Variants in CYFIP2 observed in about 807,000 individuals in gnomAD.
CYFIP2 encodes cytoplasmic FMR1-interacting protein 2.
CYFIP2 carries 29 observed loss-of-function variants against 158.7 expected under a neutral mutation model. The observed-to-expected ratio is 0.18, with a 90% CI of 0.14 to 0.25. The LOEUF is 0.25. CYFIP2 is among the 10% of genes least tolerant of loss of function. The pLI is 1.00. For synonymous variants in CYFIP2, 585 were observed against 617.6 expected (o/e 0.95, Z 0.78); for missense variants, 852 against 1,639.5 (o/e 0.52, Z 8.29).
At chr5:157,284,527 C>T (rs1297107217) in intron 1 of CYFIP2, among the ~76,000 whole-genome samples, 1 of 152,134 alleles carries the variant, frequency 6.6e-6, no homozygotes, top group Non-Finnish European at 1.5e-5. Context: ...AGTTTTTAAG[C>T]AGTGTTTCAC....
At position 157,395,548 on chromosome 5, in the gene CYFIP2, TA is replaced by T; in HGVS notation, c.*2551del. The T allele has an allele frequency of 8.8e-7, 1 of 1,139,240 alleles. No individual in the cohort carries two copies. The highest frequency in any genetic ancestry group is 1.2e-6 in the Non-Finnish European group (1 of 852,306). 70.6% of individuals were successfully genotyped at this position (1,139,240 alleles called of 1,614,324 possible). A position where few individuals can be genotyped will look rare whatever the true frequency, so the allele number is the denominator to read the frequency against. On this transcript the variant is annotated 3_prime_UTR_variant, in exon 31 of 31. Transcript: ENST00000620254. The stretch of plus-strand genomic sequence containing the variant: ...TTTGGGGGTACCTGTGTTGAGTTGA[TA>T]AACATTTCCATCTTCATTAAAACTG...
At chr5:157,368,905 T>TTC (rs1032220174) in intron 26 of CYFIP2, among the ~76,000 whole-genome samples, 11 of 150,378 alleles carry the variant, frequency 7.3e-5, no homozygotes, top group African/African-American at 2.7e-4. Context: ...TTTTTTTGTT[T>TTC]TTTTTTTTTT....
intron 5 of CYFIP2, among the ~76,000 whole-genome samples, chr5:157,299,210 T>C (rs948424977): frequency 6.6e-5 from 10 of 152,282 alleles, no homozygotes; most frequent in African/African-American, 2.2e-4. Context: ...ATTCAGGCCA[T>C]GTTATCTGGC....
intron 1 of CYFIP2, among the ~76,000 whole-genome samples, chr5:157,267,730 G>A (rs903680103): frequency 1.3e-5 from 2 of 152,238 alleles, no homozygotes; most frequent in Non-Finnish European, 2.9e-5. Flanking sequence ...GCATTTTAAT[G>A]GGAAACAAAG....
intron 15 of CYFIP2, chr5:157,322,907 C>G (rs1255269742): frequency 6.6e-7 from 1 of 1,510,798 alleles, no homozygotes; most frequent in African/African-American, 1.4e-5. Flanking sequence ...CCTGCCCTCC[C>G]ATTCCCTCTT....
intron 26 of CYFIP2, among the ~76,000 whole-genome samples, chr5:157,368,888 T>G (rs758270545): frequency 3.0e-5 from 2 of 66,510 alleles, no homozygotes; most frequent in African/African-American, 1.2e-4. Flanking sequence ...ATCCCAGAGG[T>G]TTTTTGTTTT....
chr5:157,314,723 A>T (rs1306602712), intron 12 of CYFIP2, among the ~76,000 whole-genome samples: 1 of 152,214 alleles, frequency 6.6e-6, no homozygotes, highest in Non-Finnish European at 1.5e-5. Flanking sequence ...GCCCTGAGCA[A>T]TCTGCTTTCT....
rs924414671 is a variant in CYFIP2, at chr5:157,327,490, G to A, written c.2080-483G>A. On this transcript the variant is annotated intron_variant, in intron 18 of 30. Transcript: ENST00000620254. Reference sequence around the variant, plus strand: ...TGAAGGATGAGAATCACTTGAACCCGGGAGGCGGAGGTTGCAGTGAGCCGA... The same window carrying A: ...TGAAGGATGAGAATCACTTGAACCCAGGAGGCGGAGGTTGCAGTGAGCCGA... Among the ~76,000 whole-genome samples, 6 of 150,950 alleles carry A rather than the reference G, an allele frequency of 4.0e-5. No individual in the cohort carries two copies. In the South Asian group the frequency reaches 8.4e-4, roughly 21 times the overall value.
chr5:157,293,033 T>G (rs1757956649), intron 3 of CYFIP2, among the ~76,000 whole-genome samples: 1 of 151,698 alleles, frequency 6.6e-6, no homozygotes, highest in Non-Finnish European at 1.5e-5. Flanking sequence ...TATGTATGTA[T>G]GTATGTATGT....
At chr5:157,368,165 A>G (rs1257151700) in intron 26 of CYFIP2, among the ~76,000 whole-genome samples, 1 of 152,262 alleles carries the variant, frequency 6.6e-6, no homozygotes, top group Non-Finnish European at 1.5e-5. Flanking sequence ...CAAAGTGAGA[A>G]GAGTGACTGC....
intron 18 of CYFIP2, 40 bp from the exon 19 acceptor site, chr5:157,327,933 G>A: frequency 1.3e-6 from 2 of 1,598,990 alleles, no homozygotes; most frequent in East Asian, 2.2e-5. Context: ...TCATAAAGCT[G>A]AACGGGCACC....
intron 23 of CYFIP2, among the ~76,000 whole-genome samples, chr5:157,351,182 T>A (rs564020578): frequency 6.6e-6 from 1 of 152,328 alleles, no homozygotes; most frequent in South Asian, 2.1e-4. Context: ...AATGCCTGTC[T>A]TGTAGTGTTA....
At chr5:157,287,699 A>G (rs1465313573) in intron 3 of CYFIP2, among the ~76,000 whole-genome samples, 2 of 151,876 alleles carry the variant, frequency 1.3e-5, no homozygotes, top group African/African-American at 2.4e-5. Flanking sequence ...CTGTGGTTCC[A>G]TAAACCCTGC....
rs1767655660 is a variant in CYFIP2, at chr5:157,395,321, G to A, written c.*2321G>A. On this transcript the variant is annotated 3_prime_UTR_variant, in exon 31 of 31. Transcript: ENST00000620254. ...GTCTAATAACCAGGAAAAAAATAAAGCTTAGGTTTTAAAAAGTTTTAAAAA... is the reference window on the plus strand; with the variant it reads ...GTCTAATAACCAGGAAAAAAATAAAACTTAGGTTTTAAAAAGTTTTAAAAA... The A allele has an allele frequency of 3.5e-6, 1 of 288,356 alleles. No individual in the cohort carries two copies. The highest frequency in any genetic ancestry group is 6.6e-6 in the Non-Finnish European group (1 of 151,062). The allele number at this position is 288,356 out of a possible 1,614,324, so 17.9% of individuals were successfully genotyped here.
At chr5:157,281,279 T>C (rs1289608714) in intron 1 of CYFIP2, among the ~76,000 whole-genome samples, 2 of 152,224 alleles carry the variant, frequency 1.3e-5, no homozygotes, top group Non-Finnish European at 2.9e-5. Context: ...GTCTTTCATT[T>C]AGGGATGTTA....
At chr5:157,347,445 G>A (rs1185812876) in intron 23 of CYFIP2, among the ~76,000 whole-genome samples, 1 of 152,138 alleles carries the variant, frequency 6.6e-6, no homozygotes, top group African/African-American at 2.4e-5. Flanking sequence ...CTTGCCCATG[G>A]CATTCAGTCT....
rs1762220536 is a variant in CYFIP2, at chr5:157,341,164, AGTCCTGCCCTACCCT to A, written c.2673+9_2673+23del. 6.2e-7 allele frequency: 1 copy of A among 1,613,098 alleles called. No homozygotes were observed. Among genetic ancestry groups the A allele is most frequent in the Non-Finnish European group, 8.5e-7 (1 of 1,179,036 alleles). ...TTACCTCTATGGATCCAAGGTAAGT[AGTCCTGCCCTACCCT>A]GCCTAGAAGAGGGTTGGTGAGAAAA... is the stretch of plus-strand genomic sequence containing the variant. On this transcript the variant is annotated splice_region_variant and intron_variant, in intron 23 of 30. Coordinates refer to ENST00000620254, the MANE Select transcript of CYFIP2 (RefSeq NM_001037333.3).
intron 28 of CYFIP2, among the ~76,000 whole-genome samples, chr5:157,387,656 C>T (rs1371046024): frequency 6.6e-6 from 1 of 150,546 alleles, no homozygotes; most frequent in East Asian, 1.9e-4. Flanking sequence ...TACAAACAGA[C>T]TCAAACACAG....
intron 29 of CYFIP2, 113 bp downstream of exon 29, chr5:157,389,540 C>A: frequency 3.2e-6 from 3 of 945,702 alleles, no homozygotes; most frequent in Non-Finnish European, 3.1e-6. Flanking sequence ...GGTGGTTGGC[C>A]AACAACTACT....
Sources: gnomAD v4.1 joint callset for allele counts (sites outside exome capture counted in the v4.1 genomes callset) on GRCh38, gnomAD v4.1.1 for gene constraint, MANE v1.5 for transcripts, NCBI Gene and HGNC (gene_info 2026-07-23, HGNC 2026-07-21) for gene names.